FGF12: variants seen among roughly 807,000 people sequenced by gnomAD.
FGF12 encodes the protein fibroblast growth factor 12B.
Under a neutral mutation model 23.6 loss-of-function variants are expected in FGF12, and 14 were observed. The ratio of observed to expected loss-of-function variants is 0.59; its 90% CI spans 0.39 to 0.93. The LOEUF (loss-of-function observed/expected upper bound fraction) is 0.93, where lower values mean the gene tolerates loss of function less well. FGF12 is among the 40% of genes least tolerant of loss of function. FGF12 has a pLI of 0.00. For missense variants in FGF12, 175 were observed against 217.8 expected (o/e 0.80, Z 1.24); for synonymous variants, 62 against 77.3 (o/e 0.80, Z 1.04).
chr3:192,477,391 C>T (rs1045892995), intron 2 of FGF12, among the ~76,000 whole-genome samples: 6 of 152,100 alleles, frequency 3.9e-5, no homozygotes, highest in Non-Finnish European at 5.9e-5. Flanking sequence ...CCCAAACCAA[C>T]GATATCTGGC....
At chr3:192,378,756 A>ATAT (rs891307151) in intron 2 of FGF12, among the ~76,000 whole-genome samples, 1 of 151,908 alleles carries the variant, frequency 6.6e-6, no homozygotes, top group Non-Finnish European at 1.5e-5. Context: ...GGCTATATCT[A>ATAT]TATTTTAACT....
intron 2 of FGF12, among the ~76,000 whole-genome samples, chr3:192,475,994 GC>G (rs1249098124): frequency 6.6e-6 from 1 of 151,774 alleles, no homozygotes; most frequent in African/African-American, 2.4e-5. Flanking sequence ...CTGAAAAATA[GC>G]CTAGCCCACT....
At chr3:192,500,963 C>A (rs1724117165) in intron 2 of FGF12, among the ~76,000 whole-genome samples, 2 of 152,200 alleles carry the variant, frequency 1.3e-5, no homozygotes, top group South Asian at 4.1e-4. Context: ...ATAGTCCATA[C>A]TCTCAGCCGC....
At position 192,727,302 on chromosome 3, in the gene FGF12, T is replaced by C; in HGVS notation, c.-109A>G. ...CCAATCTGATGATTTCGCCCGTACT[T>C]CCTTCCTTCCCCTCAGGCTTCCTGA... On this transcript the variant is annotated 5_prime_UTR_variant, in exon 2 of 6. Transcript: ENST00000445105. 1 of 1,551,504 alleles carries C rather than the reference T, an allele frequency of 6.4e-7. No homozygotes were observed. The highest frequency in any genetic ancestry group is 2.4e-5 in the East Asian group (1 of 40,916).
chr3:192,696,067 C>A (rs185426459), intron 2 of FGF12, among the ~76,000 whole-genome samples: 2 of 152,256 alleles, frequency 1.3e-5, no homozygotes, highest in East Asian at 3.9e-4. Flanking sequence ...CTACTGCACT[C>A]CAACCTGGGT....
At chr3:192,541,841 T>A (rs1725373470) in intron 2 of FGF12, among the ~76,000 whole-genome samples, 1 of 152,014 alleles carries the variant, frequency 6.6e-6, no homozygotes, top group Non-Finnish European at 1.5e-5. Context: ...GTTAAATATG[T>A]CATGCCACTT....
At chr3:192,166,376 G>C (rs1715162387) in intron 5 of FGF12, among the ~76,000 whole-genome samples, 1 of 152,186 alleles carries the variant, frequency 6.6e-6, no homozygotes, top group Non-Finnish European at 1.5e-5. Context: ...ATATATTGCA[G>C]ATTTTTAAAA....
chr3:192,617,611 A>C (rs1309108932), intron 2 of FGF12, among the ~76,000 whole-genome samples: 1 of 152,144 alleles, frequency 6.6e-6, no homozygotes, highest in Non-Finnish European at 1.5e-5. Context: ...AACTTACATA[A>C]GAATACAACC....
intron 5 of FGF12, among the ~76,000 whole-genome samples, chr3:192,161,644 A>T (rs1282745775): frequency 6.6e-6 from 1 of 152,080 alleles, no homozygotes; most frequent in Non-Finnish European, 1.5e-5. Context: ...AACCTCTAGA[A>T]ATGACATCTT....
chr3:192,632,414 TC>T (rs1715424061), intron 2 of FGF12, among the ~76,000 whole-genome samples: 1 of 152,184 alleles, frequency 6.6e-6, no homozygotes, highest in Non-Finnish European at 1.5e-5. Flanking sequence ...ACTCACTTTT[TC>T]CCCCAGTAAG....
At chr3:192,195,607 A>G (rs1717025378) in intron 4 of FGF12, among the ~76,000 whole-genome samples, 1 of 152,196 alleles carries the variant, frequency 6.6e-6, no homozygotes. Flanking sequence ...AGTATACTCT[A>G]CGATAGTCAC....
chr3:192,589,137 C>A (rs1713516100), intron 2 of FGF12, among the ~76,000 whole-genome samples: 1 of 151,710 alleles, frequency 6.6e-6, no homozygotes, highest in Non-Finnish European at 1.5e-5. Context: ...GAGATGGAGA[C>A]CATCCTGGCC....
intron 5 of FGF12, among the ~76,000 whole-genome samples, chr3:192,146,342 C>T (rs1291423293): frequency 6.8e-6 from 1 of 146,858 alleles, no homozygotes; most frequent in East Asian, 2.0e-4. Flanking sequence ...GCTATCTAGG[C>T]TCACTGCAAA....
intron 5 of FGF12, among the ~76,000 whole-genome samples, chr3:192,148,252 AT>A (rs1713837431): frequency 1.3e-5 from 2 of 152,236 alleles, no homozygotes; most frequent in African/African-American, 4.8e-5. Flanking sequence ...AATGTGGCCT[AT>A]ACATATAATG....
At chr3:192,425,064 A>G (rs1721651813) in intron 2 of FGF12, among the ~76,000 whole-genome samples, 1 of 152,204 alleles carries the variant, frequency 6.6e-6, no homozygotes, top group South Asian at 2.1e-4. Context: ...GAGAGGAAGA[A>G]AAGCGGTCTC....
intron 2 of FGF12, among the ~76,000 whole-genome samples, chr3:192,420,077 T>C (rs1234193229): frequency 1.3e-5 from 2 of 152,138 alleles, no homozygotes; most frequent in Non-Finnish European, 2.9e-5. Flanking sequence ...GTGGATTCTA[T>C]GGAAGATGGT....
At chr3:192,225,773 G>A (rs562517601) in intron 4 of FGF12, among the ~76,000 whole-genome samples, 34 of 152,088 alleles carry the variant, frequency 2.2e-4, no homozygotes, top group African/African-American at 7.5e-4. Flanking sequence ...GAATATTTTC[G>A]GTCATAAAAA....
chr3:192,645,767 TAAAAA>T (rs55809400), intron 2 of FGF12, among the ~76,000 whole-genome samples: 33,900 of 70,346 alleles, frequency 0.48, 6,270 homozygotes, highest in East Asian at 0.62. Flanking sequence ...ACAAAACAGG[TAAAAA>T]AAAAAAAAAA....
chr3:192,154,795 G>C (rs1185528259), intron 5 of FGF12, among the ~76,000 whole-genome samples: 16 of 147,122 alleles, frequency 1.1e-4, no homozygotes, highest in Non-Finnish European at 2.1e-4. Flanking sequence ...CCCAGAGGTG[G>C]AGCCTACAGA....
Sources: allele counts gnomAD v4.1 joint callset (sites outside exome capture counted in the v4.1 genomes callset), GRCh38; gene constraint gnomAD v4.1.1; transcripts MANE v1.5; gene names NCBI Gene and HGNC (gene_info 2026-07-23, HGNC 2026-07-21).